SLC24A2: variants seen among roughly 807,000 people sequenced by gnomAD.
SLC24A2 encodes sodium/potassium/calcium exchanger 2.
In SLC24A2, 36 loss-of-function variants were observed where a neutral mutation model predicts 62.0. The observed-to-expected ratio is 0.58, with a 90% CI of 0.44 to 0.77. SLC24A2 has a LOEUF of 0.77. Among genes scored for constraint, SLC24A2 ranks in the 30% least tolerant of loss-of-function variants. SLC24A2 has a pLI of 0.00. For missense variants in SLC24A2, 846 were observed against 817.9 expected (o/e 1.03, Z -0.42); for synonymous variants, 358 against 294.0 (o/e 1.22, Z -2.23).
At chr9:19,725,147 G>C (rs1397099850) in intron 2 of SLC24A2, among the ~76,000 whole-genome samples, 1 of 152,142 alleles carries the variant, frequency 6.6e-6, no homozygotes, top group Non-Finnish European at 1.5e-5. Flanking sequence ...CCCAACTGGA[G>C]AGTGCGTGTG....
the SLC24A2 span, among the ~76,000 whole-genome samples, chr9:19,985,223 C>T: frequency 6.6e-6 from 1 of 152,096 alleles, no homozygotes; most frequent in Non-Finnish European, 1.5e-5. Flanking sequence ...TATGATTCAG[C>T]AATTCCACTC....
At chr9:20,192,834 A>G in the SLC24A2 span, among the ~76,000 whole-genome samples, 1 of 152,202 alleles carries the variant, frequency 6.6e-6, no homozygotes, top group African/African-American at 2.4e-5. Flanking sequence ...AGCCTTTCTT[A>G]GAAAACTCAA....
the SLC24A2 span, among the ~76,000 whole-genome samples, chr9:20,283,849 C>G: frequency 6.6e-6 from 1 of 152,032 alleles, no homozygotes; most frequent in Admixed American, 6.6e-5. Flanking sequence ...CTTTTCTTGC[C>G]CTCTGGAATT....
At chr9:19,570,817 G>T (rs1316059810) in intron 7 of SLC24A2, among the ~76,000 whole-genome samples, 1 of 152,176 alleles carries the variant, frequency 6.6e-6, no homozygotes, top group Non-Finnish European at 1.5e-5. Context: ...TTCACTACCA[G>T]GCTGTCCTAC....
At chr9:20,214,078 T>C in the SLC24A2 span, among the ~76,000 whole-genome samples, 7 of 152,354 alleles carry the variant, frequency 4.6e-5, no homozygotes, top group Non-Finnish European at 8.8e-5. Context: ...CTTGTAGGTA[T>C]ATACCACAAT....
chr9:19,882,379 G>A, the SLC24A2 span, among the ~76,000 whole-genome samples: 1 of 152,010 alleles, frequency 6.6e-6, no homozygotes, highest in East Asian at 1.9e-4. Flanking sequence ...TTTTCCTTCT[G>A]AAATTTTTAT....
At chr9:19,598,195 T>C (rs1836754333) in intron 4 of SLC24A2, among the ~76,000 whole-genome samples, 1 of 152,208 alleles carries the variant, frequency 6.6e-6, no homozygotes, top group African/African-American at 2.4e-5. Context: ...TGTGAGCAGG[T>C]TAAAAATATA....
At chr9:20,294,812 A>G in the SLC24A2 span, among the ~76,000 whole-genome samples, 3 of 152,050 alleles carry the variant, frequency 2.0e-5, no homozygotes, top group Non-Finnish European at 2.9e-5. Context: ...GCACAGTACA[A>G]ATGGCCACCC....
At chr9:20,157,678 A>T in the SLC24A2 span, among the ~76,000 whole-genome samples, 2 of 151,654 alleles carry the variant, frequency 1.3e-5, no homozygotes, top group African/African-American at 4.8e-5. Flanking sequence ...TCTGGTGGAG[A>T]ATCAAATACA....
intron 2 of SLC24A2, among the ~76,000 whole-genome samples, chr9:19,695,591 G>T (rs887667400): frequency 6.9e-6 from 1 of 145,572 alleles, no homozygotes; most frequent in Admixed American, 7.0e-5. Context: ...CAGCAATTCT[G>T]CTTGTAGGGA....
chr9:19,517,384 G>T (rs1444736456), intron 10 of SLC24A2, among the ~76,000 whole-genome samples: 1 of 152,236 alleles, frequency 6.6e-6, no homozygotes, highest in Non-Finnish European at 1.5e-5. Flanking sequence ...TAGACTCAGG[G>T]TGTGGGAAGA....
chr9:20,012,271 G>A, the SLC24A2 span, among the ~76,000 whole-genome samples: 1 of 152,160 alleles, frequency 6.6e-6, no homozygotes, highest in South Asian at 2.1e-4. Flanking sequence ...ATGGCAGAAG[G>A]TGAAAGACAC....
the SLC24A2 span, among the ~76,000 whole-genome samples, chr9:20,251,554 G>A: frequency 6.6e-6 from 1 of 152,138 alleles, no homozygotes; most frequent in Non-Finnish European, 1.5e-5. Flanking sequence ...GGGAGGATGG[G>A]AGCTATTTTT....
intron 8 of SLC24A2, among the ~76,000 whole-genome samples, chr9:19,548,426 T>G (rs140967331): frequency 1.3e-5 from 2 of 152,334 alleles, no homozygotes; most frequent in African/African-American, 4.8e-5. Context: ...TTTCTACTTA[T>G]GCCAACAATA....
In SLC24A2 at chr9:19,589,301, G is replaced by A. The variant is rs781767310; in HGVS notation, c.1129+7928C>T. ...ATACTAAGCAGTTGTTAAAATGAAC[G>A]AAGAAAGTCTAAATGTGCTGATGTG... On this transcript the variant is annotated intron_variant, in intron 5 of 10. Transcript: ENST00000341998. 5.3e-5 allele frequency among the ~76,000 whole-genome samples: 8 copies of A among 152,236 alleles called. No individual in the cohort carries two copies. In the East Asian group the frequency reaches 5.8e-4, roughly 11 times the overall value.
At chr9:19,936,804 T>A in the SLC24A2 span, among the ~76,000 whole-genome samples, 1 of 152,174 alleles carries the variant, frequency 6.6e-6, no homozygotes, top group Admixed American at 6.5e-5. Context: ...AGATGATAAA[T>A]GGGGAAAAAG....
Position 19,509,192 on chromosome 9 carries a change from A to G in SLC24A2, c.*6961T>C, listed in dbSNP as rs962422809. The G allele has an allele frequency of 2.0e-5, 3 of 152,208 alleles. No individual in the cohort carries two copies. The highest frequency in any genetic ancestry group is 2.9e-5 in the Non-Finnish European group (2 of 68,036). 9.4% of individuals were successfully genotyped at this position (152,208 alleles called of 1,614,324 possible). A position where few individuals can be genotyped will look rare whatever the true frequency, so the allele number is the denominator to read the frequency against. ...ATAACAAAATGGATTCCTGAAAAAA[A>G]TCTACAATTTTAAAATAATTTCCAT... On this transcript the variant is annotated 3_prime_UTR_variant, in exon 11 of 11. Transcript: ENST00000341998.
intron 4 of SLC24A2, among the ~76,000 whole-genome samples, chr9:19,612,188 CACTATT>C (rs1054084394): frequency 2.0e-5 from 3 of 152,142 alleles, no homozygotes; most frequent in African/African-American, 7.2e-5. Flanking sequence ...CTATTATTAT[CACTATT>C]ACTCTCTGGA....
At chr9:19,931,167 AC>A in the SLC24A2 span, among the ~76,000 whole-genome samples, 1 of 152,262 alleles carries the variant, frequency 6.6e-6, no homozygotes. Flanking sequence ...ACCAACAGAT[AC>A]AAGACCATCC....
Sources: gnomAD v4.1 joint callset for allele counts (sites outside exome capture counted in the v4.1 genomes callset) on GRCh38, gnomAD v4.1.1 for gene constraint, MANE v1.5 for transcripts, NCBI Gene and HGNC (gene_info 2026-07-23, HGNC 2026-07-21) for gene names.